DOCK3: variants seen among roughly 807,000 people sequenced by gnomAD.
The protein encoded by DOCK3 is dedicator of cytokinesis protein 3.
A neutral mutation model predicts 265.6 loss-of-function variants in DOCK3; 60 were observed. That is an observed-to-expected ratio of 0.23 (90% CI 0.18 to 0.28). DOCK3 has a LOEUF of 0.28. Ranked by LOEUF, DOCK3 falls within the 10% of genes least tolerant of loss-of-function variation. The probability of loss-of-function intolerance (pLI) is 1.00; values close to 1 mark genes in which losing one functional copy is unlikely to be tolerated. For synonymous variants in DOCK3, 881 were observed against 938.0 expected (o/e 0.94, Z 1.11); for missense variants, 1,981 against 2,594.3 (o/e 0.76, Z 5.14).
chr3:51,184,592 A>G (rs945583370), intron 12 of DOCK3, among the ~76,000 whole-genome samples: 1 of 152,168 alleles, frequency 6.6e-6, no homozygotes, highest in African/African-American at 2.4e-5. Flanking sequence ...GTATAAGATA[A>G]ATATCCGTGA....
chr3:51,381,218 C>T lies in DOCK3; in HGVS notation c.5752C>T (p.Pro1918Ser), dbSNP rs1553618461. ...TCGCACTGACACCATGGACTCCATGCCAAGTCAGGCCTGGAATGCTGACGA... is the reference window on the plus strand; with the variant it reads ...TCGCACTGACACCATGGACTCCATGTCAAGTCAGGCCTGGAATGCTGACGA... ...PPRTDTMDSM[P>S]SQAWNADEDL... The change falls in exon 53 of 53, where the codon CCA (proline) becomes TCA (serine). Residue 1918 changes from proline to serine, a missense_variant. Coordinates refer to ENST00000266037, the MANE Select transcript of DOCK3 (RefSeq NM_004947.5). The surrounding 1 kb of genome is among the most constrained non-coding windows in gnomAD (Gnocchi z 5.6). 1 of 1,613,926 alleles carries T rather than the reference C, an allele frequency of 6.2e-7. No individual in the cohort carries two copies.
intron 4 of DOCK3, among the ~76,000 whole-genome samples, chr3:50,913,983 C>T (rs1553701828): frequency 6.6e-6 from 1 of 151,930 alleles, no homozygotes; most frequent in Non-Finnish European, 1.5e-5. Context: ...CCTTGTGTTG[C>T]GGGGAGAGGA....
chr3:51,224,802 T>C (rs2090254288), intron 14 of DOCK3, among the ~76,000 whole-genome samples: 1 of 152,166 alleles, frequency 6.6e-6, no homozygotes, highest in Admixed American at 6.6e-5. Context: ...GTTAAAGGTT[T>C]AGGAATTTAG....
intron 7 of DOCK3, among the ~76,000 whole-genome samples, chr3:51,083,692 A>G (rs956677136): frequency 6.6e-6 from 1 of 152,208 alleles, no homozygotes; most frequent in African/African-American, 2.4e-5. Context: ...AGCAAAAGAA[A>G]GACTTTCTGG....
chr3:51,293,938 G>C, intron 27 of DOCK3, among the ~76,000 whole-genome samples: 1 of 152,194 alleles, frequency 6.6e-6, no homozygotes, highest in East Asian at 1.9e-4. Context: ...TAATCAAAAA[G>C]ATGAAAGATA....
intron 27 of DOCK3, among the ~76,000 whole-genome samples, chr3:51,281,370 G>A (rs2081109072): frequency 6.6e-6 from 1 of 150,442 alleles, no homozygotes; most frequent in South Asian, 2.1e-4. Context: ...ATCCTGGGCT[G>A]CATATGGCCC....
intron 2 of DOCK3, among the ~76,000 whole-genome samples, chr3:50,826,521 A>G (rs1223616846): frequency 3.3e-5 from 5 of 152,176 alleles, no homozygotes; most frequent in Non-Finnish European, 7.3e-5. Flanking sequence ...CTGGCAACCA[A>G]GGATACAGGA....
At chr3:51,345,527 C>G (rs1445711006) in intron 38 of DOCK3, among the ~76,000 whole-genome samples, 1 of 152,118 alleles carries the variant, frequency 6.6e-6, no homozygotes, top group Non-Finnish European at 1.5e-5. Flanking sequence ...GAGGTTGAGG[C>G]AAGAGAATCT....
At chr3:51,365,698 G>C (rs1418935325) in intron 49 of DOCK3, among the ~76,000 whole-genome samples, 7 of 152,144 alleles carry the variant, frequency 4.6e-5, no homozygotes, top group Non-Finnish European at 7.4e-5. Flanking sequence ...TAGCATGAAG[G>C]GCTGTTGAAT....
At chr3:51,114,149 T>C (rs561351459) in intron 9 of DOCK3, among the ~76,000 whole-genome samples, 11 of 151,966 alleles carry the variant, frequency 7.2e-5, no homozygotes, top group African/African-American at 2.2e-4. Context: ...ATGGTAGATA[T>C]ATAGAAAGAA....
chr3:51,287,896 A>C (rs867749933), intron 27 of DOCK3, among the ~76,000 whole-genome samples: 1 of 152,272 alleles, frequency 6.6e-6, no homozygotes, highest in Non-Finnish European at 1.5e-5. Flanking sequence ...AATGCCCATC[A>C]GTGGTAGACT....
chr3:51,315,260 G>C (rs2083302153), intron 32 of DOCK3, 132 bp downstream of exon 32: 1 of 1,186,568 alleles, frequency 8.4e-7, no homozygotes, highest in Non-Finnish European at 1.1e-6. Context: ...CCTGTTCAAG[G>C]GTTTTCCCTT....
intron 4 of DOCK3, among the ~76,000 whole-genome samples, chr3:50,913,810 G>C (rs533213553): frequency 1.3e-5 from 2 of 152,076 alleles, no homozygotes; most frequent in Non-Finnish European, 2.9e-5. Flanking sequence ...CTACTGCTGG[G>C]GGATTGGGAA....
At chr3:50,729,210 G>A (rs1384277378) in intron 1 of DOCK3, among the ~76,000 whole-genome samples, 1 of 147,816 alleles carries the variant, frequency 6.8e-6, no homozygotes, top group African/African-American at 2.4e-5. Flanking sequence ...TGTATTCCCA[G>A]CTACTCGGGA....
intron 9 of DOCK3, among the ~76,000 whole-genome samples, chr3:51,145,086 G>T (rs1323964573): frequency 6.6e-6 from 1 of 152,112 alleles, no homozygotes; most frequent in African/African-American, 2.4e-5. Flanking sequence ...CTGAAATTAC[G>T]TATATTATTT....
At chr3:50,792,704 GT>G (rs1189930326) in intron 2 of DOCK3, among the ~76,000 whole-genome samples, 1 of 152,156 alleles carries the variant, frequency 6.6e-6, no homozygotes, top group African/African-American at 2.4e-5. Flanking sequence ...TGTGGTTTTT[GT>G]TTCTAGCTCT....
chr3:50,767,499 G>C (rs373612078), intron 1 of DOCK3, among the ~76,000 whole-genome samples: 12 of 152,132 alleles, frequency 7.9e-5, no homozygotes, highest in Admixed American at 5.2e-4. Context: ...GGTACCAGTA[G>C]CATGCTGTTT....
chr3:51,364,618 G>A (rs2086996326), intron 49 of DOCK3, among the ~76,000 whole-genome samples: 1 of 152,072 alleles, frequency 6.6e-6, no homozygotes, highest in Admixed American at 6.6e-5. Flanking sequence ...ATGGTTTTAG[G>A]CTAACATTTA....
At chr3:51,147,939 T>C (rs1223014408) in intron 10 of DOCK3, among the ~76,000 whole-genome samples, 2 of 152,208 alleles carry the variant, frequency 1.3e-5, no homozygotes, top group African/African-American at 4.8e-5. Flanking sequence ...ATGGTTGAAC[T>C]AGTTTACACT....
Sources: gnomAD v4.1 joint callset for allele counts (sites outside exome capture counted in the v4.1 genomes callset) on GRCh38, gnomAD v4.1.1 for gene constraint, Gnocchi (gnomAD v3.1) non-coding constraint, MANE v1.5 for transcripts, NCBI Gene and HGNC (gene_info 2026-07-23, HGNC 2026-07-21) for gene names.